PCDHA11: variants seen among roughly 807,000 people sequenced by gnomAD.
PCDHA11 encodes the protein protocadherin alpha-11.
A neutral mutation model predicts 70.3 loss-of-function variants in PCDHA11; 61 were observed. The ratio of observed to expected loss-of-function variants is 0.87; its 90% CI spans 0.71 to 1.07. The LOEUF is 1.07. Ranked by LOEUF, PCDHA11 falls within the 50% of genes least tolerant of loss-of-function variation. The pLI is 0.00. For synonymous variants in PCDHA11, 633 were observed against 555.1 expected (o/e 1.14, Z -1.97); for missense variants, 1,324 against 1,237.5 (o/e 1.07, Z -1.05).
At chr5:140,988,092 C>T (rs1266366711) in intron 3 of PCDHA11, among the ~76,000 whole-genome samples, 6 of 152,174 alleles carry the variant, frequency 3.9e-5, no homozygotes, top group East Asian at 1.9e-4. Flanking sequence ...AGTGCAGCCT[C>T]GGGCCTTGTT....
Position 140,946,525 on chromosome 5 carries a change from A to G in PCDHA11, c.2392-32424A>G, listed in dbSNP as rs115610574. On this transcript the variant is annotated intron_variant, in intron 1 of 3. Transcript: ENST00000398640. ...ATGTCAAAGACCTATCCGCACTCCC[A>G]TGTTCATTGCAGCATTATTCATGAT... 6.9e-3 allele frequency among the ~76,000 whole-genome samples: 1,050 copies of G among 151,290 alleles called. 19 individuals carry two copies. The highest frequency in any genetic ancestry group is 0.024 in the African/African-American group (983 of 41,050).
At position 140,871,554 on chromosome 5, in the gene PCDHA11, T is replaced by G. The variant is rs1554165730; in HGVS notation, c.2391+60T>G. On this transcript the variant is annotated intron_variant, in intron 1 of 3. Transcript: ENST00000398640. The stretch of plus-strand genomic sequence containing the variant: ...GTATGTGAAATTATTTAAAATCCAG[T>G]TTTTTTTCACGGATTTTTTAAGGGA... 18 of 1,487,284 alleles carry G rather than the reference T, an allele frequency of 1.2e-5. 1 individual carries two copies. The highest frequency in any genetic ancestry group is 1.8e-4 in the Middle Eastern group (1 of 5,534). The allele number at this position is 1,487,284 out of a possible 1,614,324, so 92.1% of individuals were successfully genotyped here.
intron 1 of PCDHA11, among the ~76,000 whole-genome samples, chr5:140,888,270 GT>G (rs2061763105): frequency 6.6e-6 from 1 of 152,102 alleles, no homozygotes; most frequent in Non-Finnish European, 1.5e-5. Context: ...ATAAGAAACA[GT>G]TTTGTCCCCT....
In PCDHA11 at chr5:140,924,907, AAAATAAAAT is replaced by A. The variant is rs1563068988; in HGVS notation, c.2391+53417_2391+53425del. 7.1e-4 allele frequency among the ~76,000 whole-genome samples: 36 copies of A among 50,968 alleles called. 1 individual carries two copies. The highest frequency in any genetic ancestry group is 1.7e-3 in the African/African-American group (12 of 7,266). The allele number at this position is 50,968 out of a possible 152,430, so 33.4% of individuals were successfully genotyped here. ...AAGAACCTGTCTCAAAAAAAAAAAT[AAAATAAAAT>A]AAAATAAAATAAAATAAAATAAAAA... On this transcript the variant is annotated intron_variant, in intron 1 of 3. Transcript: ENST00000398640.
In PCDHA11 at chr5:141,010,039, T is replaced by G. The variant is rs2098415843; in HGVS notation, c.*102T>G. ...TCCTTTTTCCTATCTACATGAGCCCTCTTAGAGACCTCAGAAATCTGCAGA... is the reference window on the plus strand; with the variant it reads ...TCCTTTTTCCTATCTACATGAGCCCGCTTAGAGACCTCAGAAATCTGCAGA... On this transcript the variant is annotated 3_prime_UTR_variant, in exon 4 of 4. Coordinates refer to ENST00000398640, the MANE Select transcript of PCDHA11 (RefSeq NM_018902.5). The G allele has an allele frequency of 1.4e-5, 23 of 1,593,158 alleles. No homozygotes were observed. Among genetic ancestry groups the G allele is most frequent in the Non-Finnish European group, 1.8e-5 (21 of 1,170,616 alleles).
chr5:140,941,191 T>TTTC (rs1487503403), intron 1 of PCDHA11, among the ~76,000 whole-genome samples: 199 of 93,252 alleles, frequency 2.1e-3, no homozygotes, highest in Middle Eastern at 0.015. Flanking sequence ...GCTTCTTTTT[T>TTTC]TTTCTTTCTT....
intron 1 of PCDHA11, among the ~76,000 whole-genome samples, chr5:140,946,637 G>T: frequency 1.5e-5 from 1 of 64,620 alleles, no homozygotes; most frequent in African/African-American, 1.0e-4. Flanking sequence ...TATATACAAT[G>T]GAATACTCAT....
chr5:140,994,318 C>G (rs782231160), intron 3 of PCDHA11, among the ~76,000 whole-genome samples: 18 of 152,300 alleles, frequency 1.2e-4, no homozygotes, highest in Non-Finnish European at 1.6e-4. Context: ...CCCAAACACT[C>G]TCAGCAACCA....
At chr5:140,977,263 TAC>T (rs1466968557) in intron 1 of PCDHA11, among the ~76,000 whole-genome samples, 4 of 152,230 alleles carry the variant, frequency 2.6e-5, no homozygotes, top group Admixed American at 1.3e-4. Flanking sequence ...CAGCAGATGT[TAC>T]AGTCTTTCTC....
At position 140,870,796 on chromosome 5, in the gene PCDHA11, C is replaced by A. The variant is rs1581985922; in HGVS notation, c.1693C>A (p.Leu565Met). 1 of 1,613,576 alleles carries A rather than the reference C, an allele frequency of 6.2e-7. No homozygotes were observed. The highest frequency in any genetic ancestry group is 1.1e-5 in the South Asian group (1 of 91,080). ...CGAGAACGACAACGCGCCGGCACTGCTGGCGACTCAGGCTGGCAGCGCGGG... is the reference window on the plus strand; with the variant it reads ...CGAGAACGACAACGCGCCGGCACTGATGGCGACTCAGGCTGGCAGCGCGGG... ...LDENDNAPAL[L>M]ATQAGSAGGA... Residue 565 changes from leucine (L) to methionine (M), a missense_variant, in exon 1 of 4, where the codon CTG becomes ATG. Physicochemically the swap from Leu to Met is conservative, Grantham distance 15. Transcript: ENST00000398640.
intron 1 of PCDHA11, among the ~76,000 whole-genome samples, chr5:140,937,417 A>T (rs1226073587): frequency 5.3e-5 from 8 of 152,154 alleles, no homozygotes; most frequent in African/African-American, 1.9e-4. Context: ...CTTTTATTAG[A>T]TAGCTGATAT....
chr5:140,877,680 G>A, intron 1 of PCDHA11: 1 of 1,613,738 alleles, frequency 6.2e-7, no homozygotes, highest in Non-Finnish European at 8.5e-7. Flanking sequence ...CGCCGGGCAA[G>A]CCCACGCTGG....
chr5:140,870,401 C>A lies in PCDHA11; in HGVS notation c.1298C>A (p.Ser433Tyr). The stretch of plus-strand genomic sequence containing the variant: ...ACTGCGCGGGATGGGGGTTCGCCTT[C>A]TCTGTGGGCCACGGCCAGGGTATCC... ...VVTARDGGSP[S>Y]LWATARVSVE... The change falls in exon 1 of 4, where the codon TCT becomes TAT. Residue 433 changes from serine to tyrosine, a missense_variant. Coordinates refer to ENST00000398640, the MANE Select transcript of PCDHA11 (RefSeq NM_018902.5). 1 of 1,614,252 alleles carries A rather than the reference C, an allele frequency of 6.2e-7. No individual in the cohort carries two copies. Among genetic ancestry groups the A allele is most frequent in the Non-Finnish European group, 8.5e-7 (1 of 1,180,048 alleles).
intron 1 of PCDHA11, among the ~76,000 whole-genome samples, chr5:140,939,514 A>G (rs1280466076): frequency 2.0e-5 from 3 of 152,236 alleles, no homozygotes; most frequent in African/African-American, 7.2e-5. Flanking sequence ...TATAACATTA[A>G]TAGTTATAGA....
At chr5:141,000,412 TATATATA>T (rs1563651366) in intron 3 of PCDHA11, among the ~76,000 whole-genome samples, 7 of 102,770 alleles carry the variant, frequency 6.8e-5, no homozygotes, top group African/African-American at 2.7e-4. Context: ...TATATATATA[TATATATA>T]TATTTTTTTT....
At position 141,010,023 on chromosome 5, in the gene PCDHA11, C is replaced by T. The variant is rs1196328903; in HGVS notation, c.*86C>T. Reference sequence around the variant, plus strand: ...TGTAGCAATTCCCTGCTCCTTTTTCCTATCTACATGAGCCCTCTTAGAGAC... The same window carrying T: ...TGTAGCAATTCCCTGCTCCTTTTTCTTATCTACATGAGCCCTCTTAGAGAC... On this transcript the variant is annotated 3_prime_UTR_variant, in exon 4 of 4. Transcript: ENST00000398640. 10 of 1,571,304 alleles carry T rather than the reference C, an allele frequency of 6.4e-6. No homozygotes were observed. Among genetic ancestry groups the T allele is most frequent in the Non-Finnish European group, 8.6e-6 (10 of 1,163,016 alleles).
chr5:140,884,003 G>A, intron 1 of PCDHA11: 4 of 1,613,086 alleles, frequency 2.5e-6, no homozygotes, highest in African/African-American at 1.3e-5. Flanking sequence ...CACAGTGAGC[G>A]AGCTGATGCC....
At chr5:140,875,667 G>A (rs376967983) in intron 1 of PCDHA11, 10 of 1,613,820 alleles carry the variant, frequency 6.2e-6, no homozygotes, top group East Asian at 4.5e-5. Flanking sequence ...GCCTGTTCCG[G>A]GTGGCGTCCA....
chr5:140,889,497 A>G (rs1024054854), intron 1 of PCDHA11, among the ~76,000 whole-genome samples: 1 of 152,188 alleles, frequency 6.6e-6, no homozygotes, highest in South Asian at 2.1e-4. Flanking sequence ...ATCTATAGTG[A>G]TATTTCCCTT....
Sources: gnomAD v4.1 joint callset for allele counts (sites outside exome capture counted in the v4.1 genomes callset) on GRCh38, gnomAD v4.1.1 for gene constraint, MANE v1.5 for transcripts, NCBI Gene and HGNC (gene_info 2026-07-23, HGNC 2026-07-21) for gene names.